CDKAL1: variants seen among roughly 807,000 people sequenced by gnomAD.
CDKAL1 encodes threonylcarbamoyladenosine tRNA methylthiotransferase.
Under a neutral mutation model 68.2 loss-of-function variants are expected in CDKAL1, and 32 were observed. The observed-to-expected ratio is 0.47, with a 90% CI of 0.35 to 0.63. The LOEUF (loss-of-function observed/expected upper bound fraction) is 0.63. Among genes scored for constraint, CDKAL1 ranks in the 30% least tolerant of loss-of-function variants. The pLI is 0.00. For missense variants in CDKAL1, 606 were observed against 696.7 expected (o/e 0.87, Z 1.47); for synonymous variants, 234 against 244.3 (o/e 0.96, Z 0.39).
chr6:20,579,072 G>A (rs1042531029), intron 4 of CDKAL1, among the ~76,000 whole-genome samples: 6 of 152,162 alleles, frequency 3.9e-5, no homozygotes, highest in Non-Finnish European at 7.4e-5. Context: ...CTGCCTCCTG[G>A]GTTCAAGCGA....
intron 8 of CDKAL1, among the ~76,000 whole-genome samples, chr6:20,844,790 G>A (rs1319442381): frequency 2.0e-5 from 3 of 152,068 alleles, no homozygotes; most frequent in Admixed American, 2.0e-4. Flanking sequence ...ACTCTACCAA[G>A]GAAACGACAA....
chr6:21,149,896 C>G (rs1396997510), intron 13 of CDKAL1, among the ~76,000 whole-genome samples: 1 of 152,022 alleles, frequency 6.6e-6, no homozygotes, highest in Non-Finnish European at 1.5e-5. Flanking sequence ...CTTGCTCTGG[C>G]ACCCAGGCTG....
At chr6:20,644,466 A>G (rs868523590) in intron 4 of CDKAL1, among the ~76,000 whole-genome samples, 39 of 152,256 alleles carry the variant, frequency 2.6e-4, no homozygotes, top group South Asian at 6.2e-4. Flanking sequence ...TCACGAGATC[A>G]GGAGATTGAG....
intron 4 of CDKAL1, among the ~76,000 whole-genome samples, chr6:20,611,715 C>T (rs1766625637): frequency 6.6e-6 from 1 of 152,126 alleles, no homozygotes; most frequent in Admixed American, 6.6e-5. Context: ...TGTTCATTGC[C>T]ATGAATATTT....
At chr6:20,914,104 A>G (rs867711732) in intron 9 of CDKAL1, among the ~76,000 whole-genome samples, 32 of 152,042 alleles carry the variant, frequency 2.1e-4, no homozygotes, top group Non-Finnish European at 3.5e-4. Flanking sequence ...CCTGGCTAAC[A>G]CAGTGAAACC....
At chr6:20,782,903 A>G (rs371258314) in intron 8 of CDKAL1, among the ~76,000 whole-genome samples, 1 of 152,166 alleles carries the variant, frequency 6.6e-6, no homozygotes, top group Non-Finnish European at 1.5e-5. Context: ...TTTGCTGGCT[A>G]ATCACACTTT....
intron 8 of CDKAL1, among the ~76,000 whole-genome samples, chr6:20,822,327 G>A (rs1341460314): frequency 2.0e-5 from 3 of 152,108 alleles, no homozygotes; most frequent in Admixed American, 6.5e-5. Flanking sequence ...CACCAAATCA[G>A]TTTATTTATA....
intron 12 of CDKAL1, among the ~76,000 whole-genome samples, chr6:21,068,308 T>G (rs1771570931): frequency 6.6e-6 from 1 of 152,182 alleles, no homozygotes; most frequent in Admixed American, 6.5e-5. Context: ...AAGATACCCC[T>G]CAATGTACTG....
At chr6:20,781,975 G>T (rs1354202631) in intron 8 of CDKAL1, among the ~76,000 whole-genome samples, 2 of 152,180 alleles carry the variant, frequency 1.3e-5, no homozygotes, top group Non-Finnish European at 2.9e-5. Context: ...GATTTAAGCT[G>T]TTCTGCCCCT....
chr6:21,136,171 T>C (rs1775584653), intron 13 of CDKAL1, among the ~76,000 whole-genome samples: 1 of 152,222 alleles, frequency 6.6e-6, no homozygotes, highest in South Asian at 2.1e-4. Context: ...TCAAGTGAAG[T>C]TAGGTGTCCT....
Position 20,673,987 on chromosome 6 carries a change from A to AT in CDKAL1, c.371+24619dup, listed in dbSNP as rs952223646. On this transcript the variant is annotated intron_variant, in intron 5 of 15. Coordinates refer to ENST00000274695, the MANE Select transcript of CDKAL1 (RefSeq NM_017774.3). Reference sequence around the variant, plus strand: ...TATGTTCTTTGTTGCCTTTGTAAATATTTTTTTTTCTGCCTTTCATAGAGG... The same window carrying AT: ...TATGTTCTTTGTTGCCTTTGTAAATATTTTTTTTTTCTGCCTTTCATAGAGG... 3.3e-5 allele frequency among the ~76,000 whole-genome samples: 5 copies of AT among 150,510 alleles called. No individual in the cohort carries two copies. In the South Asian group the frequency reaches 6.3e-4, roughly 19 times the overall value.
chr6:20,773,696 T>C (rs1207278464), intron 7 of CDKAL1, among the ~76,000 whole-genome samples: 12 of 151,922 alleles, frequency 7.9e-5, no homozygotes, highest in African/African-American at 9.7e-5. Context: ...TACAGGTGCC[T>C]GCCACCACGC....
chr6:20,878,565 C>T (rs1263648143), intron 9 of CDKAL1, among the ~76,000 whole-genome samples: 2 of 151,282 alleles, frequency 1.3e-5, no homozygotes, highest in Non-Finnish European at 2.9e-5. Flanking sequence ...CATGGTGAAA[C>T]CCCGTGTCTA....
intron 6 of CDKAL1, among the ~76,000 whole-genome samples, chr6:20,752,912 C>A (rs1405513978): frequency 6.6e-6 from 1 of 152,140 alleles, no homozygotes; most frequent in Non-Finnish European, 1.5e-5. Context: ...CTCCTTTAAT[C>A]TGGATCATTT....
At chr6:20,763,874 CCATT>C (rs751676014) in intron 7 of CDKAL1, among the ~76,000 whole-genome samples, 5 of 152,086 alleles carry the variant, frequency 3.3e-5, no homozygotes, top group East Asian at 1.9e-4. Flanking sequence ...CAAGAAAACT[CCATT>C]CATTTGTGGT....
At chr6:20,571,485 A>C (rs566730884) in intron 4 of CDKAL1, among the ~76,000 whole-genome samples, 2 of 152,254 alleles carry the variant, frequency 1.3e-5, no homozygotes, top group Admixed American at 1.3e-4. Flanking sequence ...GAAGTGAAGC[A>C]ATGTGAAATG....
intron 12 of CDKAL1, among the ~76,000 whole-genome samples, chr6:21,072,788 G>A (rs1017531551): frequency 1.3e-5 from 2 of 150,786 alleles, no homozygotes; most frequent in Non-Finnish European, 2.9e-5. Flanking sequence ...CACATGCACA[G>A]CTTTTCCCAG....
chr6:21,168,727 A>C (rs570843197), intron 13 of CDKAL1, among the ~76,000 whole-genome samples: 1 of 152,366 alleles, frequency 6.6e-6, no homozygotes, highest in South Asian at 2.1e-4. Context: ...CCACATAAAT[A>C]GCAGGCTTTT....
At chr6:20,914,436 T>TC (rs1762628167) in intron 9 of CDKAL1, among the ~76,000 whole-genome samples, 2 of 152,352 alleles carry the variant, frequency 1.3e-5, no homozygotes, top group South Asian at 2.1e-4. Flanking sequence ...GGTTTTTTTT[T>TC]CATGAGAATT....
Sources: allele counts gnomAD v4.1 joint callset (sites outside exome capture counted in the v4.1 genomes callset), GRCh38; gene constraint gnomAD v4.1.1; transcripts MANE v1.5; gene names NCBI Gene and HGNC (gene_info 2026-07-23, HGNC 2026-07-21).